The following EDIL3 variants were observed in gnomAD, a reference collection of about 807,000 sequenced individuals.
EDIL3 encodes the protein EGF like and discoidin domains 3.
In EDIL3, 37 loss-of-function variants were observed where a neutral mutation model predicts 67.4. The observed-to-expected ratio is 0.55, with a 90% CI of 0.42 to 0.72. The LOEUF (loss-of-function observed/expected upper bound fraction) is 0.72. Among genes scored for constraint, EDIL3 ranks in the 30% least tolerant of loss-of-function variants. The probability of loss-of-function intolerance (pLI) is 0.00; values close to 1 mark genes in which losing one functional copy is unlikely to be tolerated. For missense variants in EDIL3, 527 were observed against 586.3 expected (o/e 0.90, Z 1.04); for synonymous variants, 195 against 196.3 (o/e 0.99, Z 0.05).
intron 9 of EDIL3, among the ~76,000 whole-genome samples, chr5:83,996,374 A>G (rs1745238411): frequency 6.6e-6 from 1 of 152,232 alleles, no homozygotes; most frequent in Admixed American, 6.5e-5. Flanking sequence ...AAGAATACTG[A>G]GCAGCAGAAG....
At chr5:84,051,780 A>G (rs1206740613) in intron 9 of EDIL3, among the ~76,000 whole-genome samples, 2 of 152,214 alleles carry the variant, frequency 1.3e-5, no homozygotes, top group Non-Finnish European at 2.9e-5. Context: ...AAAGAAACGA[A>G]CAAAGCCTCC....
chr5:84,021,689 T>C (rs1745719570), intron 9 of EDIL3, among the ~76,000 whole-genome samples: 1 of 152,048 alleles, frequency 6.6e-6, no homozygotes, highest in South Asian at 2.1e-4. Context: ...TTGGCTAAAA[T>C]GTTCTGTAAA....
rs188614507 is a variant in EDIL3, at chr5:84,298,918, T to G, written c.68-44706A>C. 6.2e-3 allele frequency among the ~76,000 whole-genome samples: 949 copies of G among 152,288 alleles called. 6 individuals are homozygous for G. The highest frequency in any genetic ancestry group is 0.021 in the African/African-American group (882 of 41,558). On this transcript the variant is annotated intron_variant, in intron 1 of 10. Transcript: ENST00000296591. ...ATCAAGGATCAGCCCTGTGGCTGCTTCTTCATCCTCTACTACATCCTCTCT... is the reference window on the plus strand; with the variant it reads ...ATCAAGGATCAGCCCTGTGGCTGCTGCTTCATCCTCTACTACATCCTCTCT...
chr5:84,334,350 CA>C (rs1257539808), intron 1 of EDIL3, among the ~76,000 whole-genome samples: 1 of 152,110 alleles, frequency 6.6e-6, no homozygotes, highest in Non-Finnish European at 1.5e-5. Flanking sequence ...AGGCATGAGC[CA>C]CCGCGCCTGG....
chr5:84,129,887 G>A (rs1747930905), intron 5 of EDIL3, among the ~76,000 whole-genome samples: 1 of 151,892 alleles, frequency 6.6e-6, no homozygotes, highest in South Asian at 2.1e-4. Flanking sequence ...ATATTGTTAA[G>A]GCCTAAAAGA....
chr5:84,255,368 G>A (rs575480315), intron 1 of EDIL3, among the ~76,000 whole-genome samples: 1 of 152,136 alleles, frequency 6.6e-6, no homozygotes, highest in Non-Finnish European at 1.5e-5. Flanking sequence ...AGACCTTAAG[G>A]ATTGTCCCTG....
chr5:84,321,852 C>A (rs1746655440), intron 1 of EDIL3, among the ~76,000 whole-genome samples: 1 of 152,110 alleles, frequency 6.6e-6, no homozygotes. Flanking sequence ...ATCCATTCCT[C>A]ATTTCTCATT....
rs181488571 is a variant in EDIL3, at chr5:84,332,802, T to C, written c.67+51506A>G. On this transcript the variant is annotated intron_variant, in intron 1 of 10. Coordinates refer to ENST00000296591, the MANE Select transcript of EDIL3 (RefSeq NM_005711.5). The stretch of plus-strand genomic sequence containing the variant: ...ATGGCTGATCACAAAGAGCTGGAAC[T>C]ATAATTAAAGAAAAAAAGCAATGAA... Among the ~76,000 whole-genome samples the C allele has an allele frequency of 2.2e-3, 336 of 152,296 alleles. 2 individuals carry two copies. Among genetic ancestry groups the C allele is most frequent in the African/African-American group, 8.0e-3 (331 of 41,560 alleles).
At chr5:83,974,647 GCA>G (rs1744849563) in intron 9 of EDIL3, among the ~76,000 whole-genome samples, 1 of 151,928 alleles carries the variant, frequency 6.6e-6, no homozygotes, top group South Asian at 2.1e-4. Flanking sequence ...TAGTTCCTCA[GCA>G]TTTCAGTCAC....
chr5:84,203,282 G>A (rs571124043), intron 3 of EDIL3, among the ~76,000 whole-genome samples: 29 of 152,134 alleles, frequency 1.9e-4, no homozygotes, highest in African/African-American at 6.7e-4. Context: ...TCAAAGATGA[G>A]GCATTTTATG....
At chr5:84,035,045 A>T (rs1745995558) in intron 9 of EDIL3, among the ~76,000 whole-genome samples, 1 of 152,054 alleles carries the variant, frequency 6.6e-6, no homozygotes. Flanking sequence ...TGTTTTTTTA[A>T]AATTGAGATT....
intron 1 of EDIL3, among the ~76,000 whole-genome samples, chr5:84,368,770 T>C (rs2112209554): frequency 6.6e-6 from 1 of 151,802 alleles, no homozygotes; most frequent in Non-Finnish European, 1.5e-5. Flanking sequence ...ACTTTAAAAC[T>C]CAACAACAAC....
At chr5:84,320,159 A>C (rs1186398102) in intron 1 of EDIL3, among the ~76,000 whole-genome samples, 1 of 152,156 alleles carries the variant, frequency 6.6e-6, no homozygotes, top group Non-Finnish European at 1.5e-5. Context: ...ATAATAAAAA[A>C]AGAATACTGC....
At chr5:84,022,812 T>C (rs1351747872) in intron 9 of EDIL3, among the ~76,000 whole-genome samples, 2 of 151,992 alleles carry the variant, frequency 1.3e-5, no homozygotes. Context: ...CATACAGTTA[T>C]ATAGAAGAAA....
chr5:84,076,762 G>C (rs1235239067), intron 6 of EDIL3, among the ~76,000 whole-genome samples: 1 of 152,138 alleles, frequency 6.6e-6, no homozygotes, highest in Non-Finnish European at 1.5e-5. Flanking sequence ...GATGTGGCAG[G>C]ATTGCTGTAT....
At chr5:83,964,982 T>G (rs1744665087) in intron 9 of EDIL3, among the ~76,000 whole-genome samples, 1 of 152,054 alleles carries the variant, frequency 6.6e-6, no homozygotes, top group Admixed American at 6.6e-5. Context: ...AGGTAGGATA[T>G]TAATTCCACT....
intron 10 of EDIL3, among the ~76,000 whole-genome samples, chr5:83,951,540 A>T (rs186304159): frequency 6.6e-6 from 1 of 151,754 alleles, no homozygotes; most frequent in Non-Finnish European, 1.5e-5. Context: ...TCCAATAATA[A>T]TTGGCCAAAA....
chr5:84,311,441 G>A (rs993306231), intron 1 of EDIL3, among the ~76,000 whole-genome samples: 4 of 150,384 alleles, frequency 2.7e-5, no homozygotes, highest in African/African-American at 7.3e-5. Context: ...AGAAAAGCGA[G>A]ATCATTATAA....
chr5:84,319,491 CAACAAAAAAAAAAAA>C (rs1746583013), intron 1 of EDIL3, among the ~76,000 whole-genome samples: 1 of 3,942 alleles, frequency 2.5e-4, no homozygotes, highest in African/African-American at 1.1e-3. Context: ...AAACAAAAAA[CAACAAAAAAAAAAAA>C]AAAAAAAAAA....
Sources: gnomAD v4.1 joint callset for allele counts (sites outside exome capture counted in the v4.1 genomes callset) on GRCh38, gnomAD v4.1.1 for gene constraint, MANE v1.5 for transcripts, NCBI Gene and HGNC (gene_info 2026-07-23, HGNC 2026-07-21) for gene names.